Variants in HECW1 observed in about 807,000 individuals in gnomAD.
The protein encoded by HECW1 is HECT, C2 and WW domain containing E3 ubiquitin protein ligase 1.
A neutral mutation model predicts 182.3 loss-of-function variants in HECW1; 61 were observed. The ratio of observed to expected loss-of-function variants is 0.33; its 90% confidence interval spans 0.27 to 0.41. The LOEUF (loss-of-function observed/expected upper bound fraction) is 0.41. Among genes scored for constraint, HECW1 ranks in the 10% least tolerant of loss-of-function variants. HECW1 has a pLI of 1.00. For missense variants in HECW1, 1,739 were observed against 2,108.9 expected, an observed-to-expected ratio of 0.82 and a Z score of 3.44; for synonymous variants, 859 against 832.6, an observed-to-expected ratio of 1.03 and a Z score of -0.55.
intron 24 of HECW1, among the ~76,000 whole-genome samples, chr7:43,524,567 A>G (rs1184595256): frequency 6.6e-6 from 1 of 152,264 alleles, no homozygotes; most frequent in Non-Finnish European, 1.5e-5. Context: ...TTCATCTTCA[A>G]AGAACCTATT....
At chr7:43,226,271 C>T (rs2152706070) in intron 2 of HECW1, among the ~76,000 whole-genome samples, 1 of 152,308 alleles carries the variant, frequency 6.6e-6, no homozygotes, top group South Asian at 2.1e-4. Flanking sequence ...CTAGCCTTGA[C>T]TCTGTCCTTC....
chr7:43,160,335 A>G (rs1282758397), intron 2 of HECW1, among the ~76,000 whole-genome samples: 2 of 152,028 alleles, frequency 1.3e-5, no homozygotes, highest in East Asian at 1.9e-4. Context: ...TTCTTTGGTC[A>G]GAGCTCTCAA....
chr7:43,298,781 G>A (rs985653879), intron 3 of HECW1, among the ~76,000 whole-genome samples: 2 of 152,196 alleles, frequency 1.3e-5, no homozygotes, highest in Non-Finnish European at 1.5e-5. Flanking sequence ...TCGCTGCAAT[G>A]AGCTGGTCTC....
At chr7:43,363,996 G>A (rs531254905) in intron 6 of HECW1, among the ~76,000 whole-genome samples, 1 of 152,300 alleles carries the variant, frequency 6.6e-6, no homozygotes, top group East Asian at 1.9e-4. Context: ...AATGCTGTGA[G>A]GTTTCCCTCT....
At chr7:43,273,693 G>C (rs924841972) in intron 3 of HECW1, among the ~76,000 whole-genome samples, 2 of 151,948 alleles carry the variant, frequency 1.3e-5, no homozygotes, top group African/African-American at 4.8e-5. Context: ...CAATGGAAAA[G>C]AAATCAGGAT....
intron 3 of HECW1, among the ~76,000 whole-genome samples, chr7:43,306,744 A>AT (rs1160179055): frequency 6.6e-6 from 1 of 152,158 alleles, no homozygotes; most frequent in Non-Finnish European, 1.5e-5. Flanking sequence ...ACTTAGTTAG[A>AT]TAAAAACTGA....
intron 3 of HECW1, among the ~76,000 whole-genome samples, chr7:43,260,548 T>C (rs1422498784): frequency 6.6e-6 from 1 of 152,124 alleles, no homozygotes; most frequent in Non-Finnish European, 1.5e-5. Flanking sequence ...AAGCAGCAAA[T>C]TTGTGTTTGA....
In HECW1 at chr7:43,320,626, G is replaced by C. The variant is rs1012556622; in HGVS notation, c.353-9G>C. On this transcript the variant is annotated splice_polypyrimidine_tract_variant and intron_variant, in intron 4 of 29. Transcript: ENST00000395891. ...TTCTCTGCTCTGCTTTCTTCCTCTGGGAATATAGATGAGGTCTTGTCCGAA... is the reference window on the plus strand; with the variant it reads ...TTCTCTGCTCTGCTTTCTTCCTCTGCGAATATAGATGAGGTCTTGTCCGAA... 6.3e-7 allele frequency: 1 copy of C among 1,586,836 alleles called. No homozygotes were observed. The highest frequency in any genetic ancestry group is 1.7e-5 in the Admixed American group (1 of 59,974).
Position 43,552,277 on chromosome 7 carries a change from T to C in HECW1, c.4451T>C (p.Ile1484Thr), listed in dbSNP as rs2081860848. ...GATGCCAGGGAGCTGGAGCTGGTGA[T>C]AGCTGGCACCGCGGAAATCGACCTA... ...VFDARELELV[I>T]AGTAEIDLND... The change falls in exon 28 of 30, where the codon ATA (isoleucine) becomes ACA (threonine). Residue 1484 changes from isoleucine (I) to threonine (T), a missense_variant. Ile to Thr is a moderately conservative substitution (Grantham distance 89). Transcript: ENST00000395891. The C allele has an allele frequency of 6.2e-7, 1 of 1,614,096 alleles. No individual in the cohort carries two copies.
At chr7:43,392,329 A>G (rs980910372) in intron 6 of HECW1, among the ~76,000 whole-genome samples, 1 of 152,206 alleles carries the variant, frequency 6.6e-6, no homozygotes, top group Non-Finnish European at 1.5e-5. Context: ...ATTGAGCATA[A>G]TGTGGCCACA....
intron 3 of HECW1, among the ~76,000 whole-genome samples, chr7:43,279,978 T>A (rs544047931): frequency 6.6e-6 from 1 of 152,304 alleles, no homozygotes; most frequent in African/African-American, 2.4e-5. Context: ...ACAGAGCATC[T>A]GCTGAAGACA....
chr7:43,384,224 T>G (rs1268427769), intron 6 of HECW1, among the ~76,000 whole-genome samples: 1 of 152,210 alleles, frequency 6.6e-6, no homozygotes, highest in Non-Finnish European at 1.5e-5. Context: ...AGAGCACAAG[T>G]GAGTGTTGTC....
chr7:43,436,386 G>A (rs1010709459), intron 8 of HECW1, among the ~76,000 whole-genome samples: 2 of 152,084 alleles, frequency 1.3e-5, no homozygotes, highest in African/African-American at 4.8e-5. Flanking sequence ...TTCATGTGAA[G>A]AGACCACCAA....
In HECW1 at chr7:43,444,195, C is replaced by T. The variant is rs377625831; in HGVS notation, c.1046-23C>T. 5.7e-6 allele frequency: 9 copies of T among 1,578,864 alleles called. No homozygotes were observed. The African/African-American group carries it at 1.1e-4, about 19-fold the overall frequency. On this transcript the variant is annotated intron_variant, in intron 10 of 29. Transcript: ENST00000395891. This position sits in a 1 kb window ranked among gnomAD's most constrained non-coding sequence, Gnocchi z 4.3. ...CAATGCTCTCTTCTGGGAGAAATGA[C>T]ATATTTTTCTTCTTACCAGCAGATG...
intron 2 of HECW1, among the ~76,000 whole-genome samples, chr7:43,197,643 T>C (rs1429164622): frequency 6.6e-6 from 1 of 152,006 alleles, no homozygotes; most frequent in Non-Finnish European, 1.5e-5. Context: ...GTGTGGCTCA[T>C]GGTAAGACAA....
intron 8 of HECW1, among the ~76,000 whole-genome samples, chr7:43,434,665 C>G (rs1434521253): frequency 6.6e-6 from 1 of 152,076 alleles, no homozygotes; most frequent in Non-Finnish European, 1.5e-5. Flanking sequence ...TACATGGACT[C>G]CAGTAACCAT....
At chr7:43,258,975 T>C (rs1037417684) in intron 3 of HECW1, among the ~76,000 whole-genome samples, 2 of 152,156 alleles carry the variant, frequency 1.3e-5, no homozygotes, top group African/African-American at 2.4e-5. Context: ...AATTCAACTC[T>C]TAGTGAAATA....
intron 8 of HECW1, among the ~76,000 whole-genome samples, chr7:43,411,636 T>C (rs538578832): frequency 4.1e-4 from 62 of 152,310 alleles, no homozygotes; most frequent in Non-Finnish European, 4.4e-4. Context: ...CTGTCAACTT[T>C]TGTTTCATGT....
At chr7:43,254,958 G>T (rs1302050737) in intron 3 of HECW1, among the ~76,000 whole-genome samples, 1 of 152,150 alleles carries the variant, frequency 6.6e-6, no homozygotes, top group Admixed American at 6.5e-5. Context: ...TTCTATTGTT[G>T]ACTAAGGATA....
Sources: allele counts gnomAD v4.1 joint callset (sites outside exome capture counted in the v4.1 genomes callset), GRCh38; gene constraint gnomAD v4.1.1; non-coding constraint Gnocchi (gnomAD v3.1); transcripts MANE v1.5; gene names NCBI Gene and HGNC (gene_info 2026-07-23, HGNC 2026-07-21).